Variants in SLC38A6 observed in about 807,000 individuals in gnomAD.
The protein encoded by SLC38A6 is solute carrier family 38 member 6, also known as N system amino acid transporter NAT-1.
Under a neutral mutation model 65.0 loss-of-function variants are expected in SLC38A6, and 73 were observed. That is an observed-to-expected ratio of 1.12 (90% CI 0.93 to 1.37). The LOEUF (loss-of-function observed/expected upper bound fraction) is 1.37, where lower values mean the gene tolerates loss of function less well. SLC38A6 is among the 40% of genes most tolerant of loss of function. The probability of loss-of-function intolerance (pLI) is 0.00; values close to 1 mark genes in which losing one functional copy is unlikely to be tolerated. For missense variants in SLC38A6, 561 were observed against 531.1 expected, an observed-to-expected ratio of 1.06 and a Z score of -0.55; for synonymous variants, 183 against 178.8, an observed-to-expected ratio of 1.02 and a Z score of -0.19.
intron 12 of SLC38A6, among the ~76,000 whole-genome samples, chr14:61,047,995 A>C (rs888018036): frequency 1.4e-5 from 2 of 147,142 alleles, no homozygotes; most frequent in Non-Finnish European, 3.0e-5. Context: ...ACATACATAC[A>C]TACATACATA....
intron 6 of SLC38A6, among the ~76,000 whole-genome samples, chr14:61,032,509 T>G (rs555535735): frequency 1.3e-5 from 2 of 152,050 alleles, no homozygotes; most frequent in South Asian, 2.1e-4. Context: ...AGAAAATTGA[T>G]TAAAATGTTA....
At chr14:61,040,720 G>A (rs1387796544) in intron 8 of SLC38A6, among the ~76,000 whole-genome samples, 1 of 152,146 alleles carries the variant, frequency 6.6e-6, no homozygotes, top group Non-Finnish European at 1.5e-5. Context: ...ATGTTCAAGT[G>A]ATCCTCCCAC....
At chr14:60,993,201 T>C (rs915295499) in intron 3 of SLC38A6, among the ~76,000 whole-genome samples, 21 of 152,266 alleles carry the variant, frequency 1.4e-4, no homozygotes, top group African/African-American at 5.1e-4. Flanking sequence ...GAGATTTGCA[T>C]GTATTATTCT....
chr14:61,054,814 G>C (rs889547256), downstream of SLC38A6, among the ~76,000 whole-genome samples: 3 of 152,098 alleles, frequency 2.0e-5, no homozygotes, highest in South Asian at 2.1e-4. Flanking sequence ...AACAGAGATA[G>C]TTTGACTTCC....
chr14:61,021,661 G>T (rs941701292), intron 5 of SLC38A6, among the ~76,000 whole-genome samples: 1 of 152,020 alleles, frequency 6.6e-6, no homozygotes, highest in Non-Finnish European at 1.5e-5. Flanking sequence ...TTTTAAAAAG[G>T]TGATTTAGAG....
At chr14:61,021,483 C>T (rs182912525) in intron 5 of SLC38A6, among the ~76,000 whole-genome samples, 1 of 152,212 alleles carries the variant, frequency 6.6e-6, no homozygotes, top group Non-Finnish European at 1.5e-5. Flanking sequence ...ATGAGGATGG[C>T]CTACATCCCT....
intron 13 of SLC38A6, 33 bp downstream of exon 13, chr14:61,050,669 A>T: frequency 3.4e-6 from 5 of 1,461,932 alleles, no homozygotes; most frequent in Non-Finnish European, 4.6e-6. Flanking sequence ...GTTGCCTAGT[A>T]TAGACGCTTC....
At chr14:60,985,325 A>T (rs1566604534) in intron 3 of SLC38A6, among the ~76,000 whole-genome samples, 1 of 152,266 alleles carries the variant, frequency 6.6e-6, no homozygotes, top group Non-Finnish European at 1.5e-5. Context: ...AAGTATGTGC[A>T]GTTAATTCAA....
In SLC38A6 at chr14:61,046,090, A is replaced by G. The variant is rs746880056; in HGVS notation, c.848A>G (p.Asn283Ser). 49 of 1,609,918 alleles carry G rather than the reference A, an allele frequency of 3.0e-5. No individual in the cohort carries two copies. Among genetic ancestry groups the G allele is most frequent in the Non-Finnish European group, 3.9e-5 (46 of 1,177,188 alleles). ...LQSPSKKRMQ[N>S]VTNTAIALSF... is the part of the protein sequence containing the mutation. ...AGTCCTTCAAAGAAAAGAATGCAGA[A>G]TGTTACCAATACAGCAATTGCTTTA... Residue 283 changes from asparagine to serine, a missense_variant, in exon 12 of 16, where the codon AAT (asparagine) becomes AGT (serine). Physicochemically the swap from Asn to Ser is conservative, Grantham distance 46. Transcript: ENST00000267488.
intron 12 of SLC38A6, among the ~76,000 whole-genome samples, chr14:61,048,928 G>C (rs1414633016): frequency 6.6e-6 from 1 of 152,136 alleles, no homozygotes; most frequent in Non-Finnish European, 1.5e-5. Context: ...AGACTCACAA[G>C]TATCTCACAG....
chr14:61,034,124 C>T (rs2041184093), intron 6 of SLC38A6: 1 of 152,090 alleles, frequency 6.6e-6, no homozygotes, highest in Non-Finnish European at 1.5e-5. Context: ...GTAAAGTTAT[C>T]TTCAGTCCCA....
chr14:61,019,233 C>G (rs1181628772), intron 4 of SLC38A6, among the ~76,000 whole-genome samples: 1 of 152,152 alleles, frequency 6.6e-6, no homozygotes, highest in East Asian at 1.9e-4. Flanking sequence ...ACACCACTCC[C>G]ACACTTTTAA....
At chr14:61,063,371 A>G (rs564886623) in intron 15 of SLC38A6, among the ~76,000 whole-genome samples, 3 of 152,318 alleles carry the variant, frequency 2.0e-5, no homozygotes, top group South Asian at 4.1e-4. Context: ...TTAGTTGGTC[A>G]CTAAAACAGG....
At chr14:61,039,923 C>G (rs2041684246) in intron 8 of SLC38A6, among the ~76,000 whole-genome samples, 1 of 151,812 alleles carries the variant, frequency 6.6e-6, no homozygotes, top group Non-Finnish European at 1.5e-5. Flanking sequence ...TCTCCCAGAT[C>G]TGTATTTTCA....
Position 61,013,904 on chromosome 14 carries a change from G to T in SLC38A6, c.311-2000G>T, listed in dbSNP as rs569902192. On this transcript the variant is annotated intron_variant, in intron 3 of 15. Coordinates refer to ENST00000267488, the MANE Select transcript of SLC38A6 (RefSeq NM_153811.3). ...GTGGAGTATGTTAGTGGCGTTCTCT[G>T]TATTTCCTGAATGTGAATGTTGGCC... is the stretch of plus-strand genomic sequence containing the variant. 5.5e-3 allele frequency among the ~76,000 whole-genome samples: 832 copies of T among 152,258 alleles called. 7 individuals carry two copies. Among genetic ancestry groups the T allele is most frequent in the South Asian group, 0.02 (95 of 4,826 alleles).
At chr14:60,998,366 C>G (rs562480857) in intron 3 of SLC38A6, among the ~76,000 whole-genome samples, 1 of 151,958 alleles carries the variant, frequency 6.6e-6, no homozygotes, top group Admixed American at 6.6e-5. Context: ...AAGAGGAGCA[C>G]AGTAAAGGAG....
At chr14:60,996,993 C>T (rs1181160380) in intron 3 of SLC38A6, among the ~76,000 whole-genome samples, 1 of 152,102 alleles carries the variant, frequency 6.6e-6, no homozygotes, top group African/African-American at 2.4e-5. Flanking sequence ...ATAGAGTATA[C>T]CCTTTACCAA....
intron 3 of SLC38A6, among the ~76,000 whole-genome samples, chr14:60,989,504 A>T (rs2037704849): frequency 6.6e-6 from 1 of 152,144 alleles, no homozygotes; most frequent in South Asian, 2.1e-4. Flanking sequence ...CAGGAGGATC[A>T]CTTGAAGTCA....
At chr14:61,061,396 T>C (rs1411883992) in intron 15 of SLC38A6, among the ~76,000 whole-genome samples, 1 of 152,218 alleles carries the variant, frequency 6.6e-6, no homozygotes, top group Non-Finnish European at 1.5e-5. Flanking sequence ...TGAAGTTTTC[T>C]TTTTTTATTG....
Sources: allele counts gnomAD v4.1 joint callset (sites outside exome capture counted in the v4.1 genomes callset), GRCh38; gene constraint gnomAD v4.1.1; transcripts MANE v1.5; gene names NCBI Gene and HGNC (gene_info 2026-07-23, HGNC 2026-07-21).